ZSCAN5C: variants seen among roughly 807,000 people sequenced by gnomAD.
The protein encoded by ZSCAN5C is zinc finger and SCAN domain-containing protein 5C.
A neutral mutation model predicts 17.3 loss-of-function variants in ZSCAN5C; 11 were observed. The observed-to-expected ratio is 0.64, with a 90% CI of 0.40 to 1.06. ZSCAN5C has a LOEUF of 1.06. Among genes scored for constraint, ZSCAN5C ranks in the 50% least tolerant of loss-of-function variants. The pLI is 0.00. For missense variants in ZSCAN5C, 698 were observed against 538.9 expected, an observed-to-expected ratio of 1.30 and a Z score of -2.92; for synonymous variants, 229 against 208.4, an observed-to-expected ratio of 1.10 and a Z score of -0.85.
chr19:56,204,164 C>G (rs1305417464), intron 1 of ZSCAN5C, among the ~76,000 whole-genome samples: 2 of 151,736 alleles, frequency 1.3e-5, no homozygotes, highest in South Asian at 4.2e-4. Flanking sequence ...CCCTCCCTCC[C>G]TCTATCCCTC....
chr19:56,203,837 C>T (rs1211443521), intron 1 of ZSCAN5C, among the ~76,000 whole-genome samples: 2 of 151,112 alleles, frequency 1.3e-5, no homozygotes, highest in African/African-American at 2.5e-5. Flanking sequence ...TTAGTACAGA[C>T]GGGGTTTCTC....
rs1453315725 is a variant in ZSCAN5C at position 56,207,934 on chromosome 19, G to A, written c.589-100G>A. The A allele has an allele frequency of 3.7e-5, 23 of 629,062 alleles. No individual in the cohort carries two copies. In the Admixed American group the frequency reaches 5.5e-4, roughly 15 times the overall value. 39.0% of individuals were successfully genotyped at this position (629,062 alleles called of 1,614,324 possible). ...CCAAACAGTGAAAACCACCACACCT[G>A]TGTCATTAGAAGAGTTGGTGCATCC... On this transcript the variant is annotated intron_variant, in intron 3 of 4. Coordinates refer to ENST00000534327, the Ensembl canonical transcript of ZSCAN5C.
exon 5 of ZSCAN5C, chr19:56,209,151 C>A: frequency 2.2e-6 from 3 of 1,351,876 alleles, no homozygotes; most frequent in Non-Finnish European, 1.0e-6. Context: ...GGTCGGCCGG[C>A]GACCTTAAGA....
intron 1 of ZSCAN5C, among the ~76,000 whole-genome samples, chr19:56,204,990 A>G (rs1255735505): frequency 6.6e-6 from 1 of 150,718 alleles, no homozygotes; most frequent in African/African-American, 2.5e-5. Context: ...AGAGCACTAG[A>G]CTTTAAATCC....
chr19:56,208,742 C>T, exon 5 of ZSCAN5C: 2 of 1,610,206 alleles, frequency 1.2e-6, no homozygotes, highest in African/African-American at 2.7e-5. Context: ...AGTCAGTCAC[C>T]CCAGTGGCCA....
At chr19:56,206,078 G>T (rs1339766495) in exon 2 of ZSCAN5C, 7 of 1,612,004 alleles carry the variant, frequency 4.3e-6, no homozygotes, top group Non-Finnish European at 5.1e-6. Flanking sequence ...GCCCGAAGGA[G>T]TCGGACCCCA....
exon 2 of ZSCAN5C, chr19:56,205,837 G>C (rs1461478149): frequency 3.0e-6 from 2 of 664,850 alleles, no homozygotes; most frequent in South Asian, 1.8e-5. Context: ...GGGGTGGCCT[G>C]TGTATATAGG....
exon 5 of ZSCAN5C, chr19:56,208,863 A>G (rs2032956601): frequency 2.5e-6 from 4 of 1,573,418 alleles, no homozygotes; most frequent in Non-Finnish European, 3.5e-6. Flanking sequence ...AGACTCTTTC[A>G]GTGTAATCTC....
downstream of ZSCAN5C, chr19:56,209,424 TTCTTTCAATAAACA>T: frequency 2.1e-6 from 1 of 468,186 alleles, no homozygotes; most frequent in East Asian, 3.3e-5. Context: ...TGTGTTGCTG[TTCTTTCAATAAACA>T]TCTTATTAGT....
chr19:56,203,276 T>C (rs1487644054), intron 1 of ZSCAN5C, among the ~76,000 whole-genome samples: 3 of 148,266 alleles, frequency 2.0e-5, no homozygotes, highest in Admixed American at 6.6e-5. Context: ...CATATCCATA[T>C]GCTTTTTCAA....
At chr19:56,203,187 C>T (rs1399563428) in intron 1 of ZSCAN5C, among the ~76,000 whole-genome samples, 1 of 151,862 alleles carries the variant, frequency 6.6e-6, no homozygotes, top group Non-Finnish European at 1.5e-5. Context: ...ATCCTCCCTC[C>T]TCAGCCTCCT....
chr19:56,207,810 G>A (rs1253407710), intron 3 of ZSCAN5C, among the ~76,000 whole-genome samples: 6 of 151,838 alleles, frequency 4.0e-5, no homozygotes, highest in South Asian at 2.1e-4. Flanking sequence ...CCCAATGCCA[G>A]TGGTGCCAGG....
At chr19:56,208,890 T>G in exon 5 of ZSCAN5C, 1 of 1,602,840 alleles carries the variant, frequency 6.2e-7, no homozygotes, top group Non-Finnish European at 8.5e-7. Flanking sequence ...AAGCGCTTCA[T>G]GCAGCGCATA....
In ZSCAN5C at chr19:56,206,001, G is replaced by T. The variant is rs780894053; in HGVS notation, c.88G>T (p.Ala30Ser). ...GCCACCACAGTCCATGCCATCCCCA[G>T]CAACTCAACTTGGAAATCATGACAG... The change falls in exon 2 of 5, where the codon GCA becomes TCA. Residue 30 changes from alanine to serine, a missense_variant. Ala to Ser is a moderately conservative substitution (Grantham distance 99, BLOSUM62 1). Transcript: ENST00000534327. The T allele has an allele frequency of 1.9e-6, 3 of 1,603,766 alleles. No individual in the cohort carries two copies. The South Asian group carries it at 3.3e-5, about 18-fold the overall frequency.
intron 1 of ZSCAN5C, among the ~76,000 whole-genome samples, chr19:56,203,753 G>A (rs191282872): frequency 0.013 from 1,966 of 148,922 alleles, 28 homozygotes; most frequent in Non-Finnish European, 0.021. Context: ...GGGTTGAAGT[G>A]ATTCTCCTGC....
rs574580451 is a variant in ZSCAN5C at position 56,204,548 on chromosome 19, T to C, written c.-127-1239T>C. Among the ~76,000 whole-genome samples the C allele has an allele frequency of 1.8e-3, 269 of 151,752 alleles. 11 individuals are homozygous for C. The highest frequency in any genetic ancestry group is 6.3e-3 in the African/African-American group (260 of 41,008). On this transcript the variant is annotated intron_variant, in intron 1 of 4. Coordinates refer to ENST00000534327, the Ensembl canonical transcript of ZSCAN5C. The stretch of plus-strand genomic sequence containing the variant: ...ACACGGGCGCCTTAAGCCCCTCTAG[T>C]GGGTTGTTTTCTCGCTCTGGAGGAG...
At chr19:56,208,947 C>T (rs763155291) in exon 5 of ZSCAN5C, 13 of 1,613,590 alleles carry the variant, frequency 8.1e-6, no homozygotes, top group East Asian at 4.5e-5. Flanking sequence ...AGGCCCTACA[C>T]GTGTGACATC....
exon 5 of ZSCAN5C, chr19:56,208,807 G>A (rs2032955667): frequency 1.3e-6 from 2 of 1,571,028 alleles, no homozygotes; most frequent in Admixed American, 3.3e-5. Context: ...AGAGGTTTAA[G>A]TATCGCGGCA....
intron 1 of ZSCAN5C, among the ~76,000 whole-genome samples, chr19:56,202,918 T>C (rs1016328187): frequency 3.3e-5 from 5 of 152,000 alleles, no homozygotes; most frequent in African/African-American, 1.2e-4. Context: ...CAGCCATTGA[T>C]GAATGGGCAT....
Sources: allele counts gnomAD v4.1 joint callset (sites outside exome capture counted in the v4.1 genomes callset), GRCh38; gene constraint gnomAD v4.1.1; transcripts MANE v1.5; gene names NCBI Gene and HGNC (gene_info 2026-07-23, HGNC 2026-07-21).